The following PSD3 variants were observed in gnomAD, a reference collection of about 807,000 sequenced individuals.
PSD3 encodes the protein PH and SEC7 domain-containing protein 3.
PSD3 carries 49 observed loss-of-function variants against 105.5 expected under a neutral mutation model. That is an observed-to-expected ratio of 0.46 (90% CI 0.37 to 0.59). PSD3 has a LOEUF of 0.59. PSD3 is among the 20% of genes least tolerant of loss of function. The pLI is 0.00. For synonymous variants in PSD3, 557 were observed against 457.8 expected, an observed-to-expected ratio of 1.22 and a Z score of -2.77; for missense variants, 1,561 against 1,263.8, an observed-to-expected ratio of 1.24 and a Z score of -3.57.
At chr8:18,647,603 C>A (rs1808139059) in intron 10 of PSD3, among the ~76,000 whole-genome samples, 1 of 133,082 alleles carries the variant, frequency 7.5e-6, no homozygotes, top group Admixed American at 7.4e-5. Context: ...TTATTTAAAA[C>A]TGTTTTTTTT....
chr8:18,946,358 C>G (rs1011375664), intron 1 of PSD3, among the ~76,000 whole-genome samples: 1 of 151,990 alleles, frequency 6.6e-6, no homozygotes. Context: ...AGAGGATTGC[C>G]TGAGGCCAGG....
intron 8 of PSD3, among the ~76,000 whole-genome samples, chr8:18,775,184 C>T (rs192540812): frequency 6.6e-6 from 1 of 152,220 alleles, no homozygotes; most frequent in East Asian, 1.9e-4. Context: ...CTACCAATAA[C>T]ATAATTTCAT....
intron 2 of PSD3, among the ~76,000 whole-genome samples, chr8:18,876,574 T>C (rs895265147): frequency 6.6e-6 from 1 of 151,948 alleles, no homozygotes; most frequent in African/African-American, 2.4e-5. Context: ...TCTTTTTTTT[T>C]CTTTTGGCAG....
chr8:18,894,592 G>GA (rs200857421), intron 2 of PSD3, among the ~76,000 whole-genome samples: 7,154 of 152,214 alleles, frequency 0.047, 206 homozygotes, highest in South Asian at 0.082. Flanking sequence ...CTTGAACTGG[G>GA]TAACAGAACA....
intron 9 of PSD3, among the ~76,000 whole-genome samples, chr8:18,671,495 A>T (rs1039726645): frequency 6.6e-6 from 1 of 152,210 alleles, no homozygotes; most frequent in African/African-American, 2.4e-5. Context: ...GATCTGAGTG[A>T]ATCACTTTCT....
At chr8:18,864,046 A>G (rs1364007962) in intron 4 of PSD3, among the ~76,000 whole-genome samples, 5 of 152,282 alleles carry the variant, frequency 3.3e-5, no homozygotes, top group Admixed American at 6.5e-5. Flanking sequence ...CGCCACTGAA[A>G]TAATCTTTAA....
At chr8:18,634,421 T>A (rs1452755310) in intron 10 of PSD3, among the ~76,000 whole-genome samples, 1 of 152,132 alleles carries the variant, frequency 6.6e-6, no homozygotes, top group Non-Finnish European at 1.5e-5. Context: ...ATTAACATCT[T>A]ATATATTAAT....
chr8:19,032,416 G>A (rs1054186303), intron 1 of PSD3, among the ~76,000 whole-genome samples: 21 of 152,106 alleles, frequency 1.4e-4, no homozygotes, highest in African/African-American at 5.1e-4. Context: ...GCCAAGGTGG[G>A]AGGATTGCTT....
At chr8:18,738,353 T>C (rs555555442) in intron 9 of PSD3, among the ~76,000 whole-genome samples, 1 of 152,136 alleles carries the variant, frequency 6.6e-6, no homozygotes, top group Non-Finnish European at 1.5e-5. Flanking sequence ...TTCTCATTTA[T>C]AAAATGGGAA....
At chr8:18,648,130 TA>T (rs35170574) in intron 10 of PSD3, among the ~76,000 whole-genome samples, 56,056 of 150,648 alleles carry the variant, frequency 0.37, 10,689 homozygotes, top group South Asian at 0.51. Context: ...GGAATTGCTA[TA>T]AAAAATACCT....
rs76054573 is a variant in PSD3, at chr8:18,866,779, C to CT, written c.1634+894dup. ...TGAAAACCTGTAATATTAATACTGG[C>CT]TTTTTTTTTTTTTAACAAAAAACAC... On this transcript the variant is annotated intron_variant, in intron 4 of 15. Transcript: ENST00000327040. Among the ~76,000 whole-genome samples the CT allele has an allele frequency of 7.8e-3, 1,107 of 142,570 alleles. 3 individuals carry two copies. Among genetic ancestry groups the CT allele is most frequent in the African/African-American group, 0.014 (533 of 39,134 alleles). The allele number at this position is 142,570 out of a possible 152,430, so 93.5% of individuals were successfully genotyped here.
At chr8:18,549,557 G>T (rs1585218599) in intron 15 of PSD3, among the ~76,000 whole-genome samples, 1 of 152,224 alleles carries the variant, frequency 6.6e-6, no homozygotes, top group South Asian at 2.1e-4. Context: ...TTCTCCACTG[G>T]ACTCATGGAT....
In PSD3 at chr8:18,799,541, G is replaced by T. The variant is rs201026140; in HGVS notation, c.2024-188C>A. ...GAAAGAACCTCAATGCACAGAACTG[G>T]ACTCCACTGTTGATAAGTTGTTCTT... On this transcript the variant is annotated intron_variant, in intron 7 of 15. Coordinates refer to ENST00000327040, the MANE Select transcript of PSD3 (RefSeq NM_015310.4). 7.9e-5 allele frequency among the ~76,000 whole-genome samples: 12 copies of T among 152,258 alleles called. No individual in the cohort carries two copies. The East Asian group carries it at 1.9e-3, about 24-fold the overall frequency.
At chr8:18,616,349 G>A (rs894555795) in intron 11 of PSD3, among the ~76,000 whole-genome samples, 1 of 152,214 alleles carries the variant, frequency 6.6e-6, no homozygotes, top group South Asian at 2.1e-4. Flanking sequence ...CAGAGGCCCT[G>A]CAAACAGAAG....
At chr8:18,600,167 C>T (rs966474126) in intron 12 of PSD3, among the ~76,000 whole-genome samples, 197 bp downstream of exon 12, 2 of 152,178 alleles carry the variant, frequency 1.3e-5, no homozygotes, top group East Asian at 1.9e-4. Context: ...GATTTCATTA[C>T]GCTACTGAGA....
At chr8:19,070,868 T>C (rs1586692052) in intron 1 of PSD3, among the ~76,000 whole-genome samples, 1 of 152,140 alleles carries the variant, frequency 6.6e-6, no homozygotes, top group African/African-American at 2.4e-5. Context: ...TCAATCTAGG[T>C]GTATTCATCC....
At chr8:18,670,989 T>C (rs2130911872) in intron 9 of PSD3, among the ~76,000 whole-genome samples, 1 of 152,346 alleles carries the variant, frequency 6.6e-6, no homozygotes, top group Non-Finnish European at 1.5e-5. Context: ...TCCTTGCAGA[T>C]GAGATCAAGT....
At chr8:18,727,698 G>T (rs1447002824) in intron 9 of PSD3, among the ~76,000 whole-genome samples, 1 of 151,858 alleles carries the variant, frequency 6.6e-6, no homozygotes, top group African/African-American at 2.4e-5. Context: ...TGTCTAAGCT[G>T]GACTTTTTAC....
At chr8:19,027,101 C>T (rs777393052) in intron 1 of PSD3, among the ~76,000 whole-genome samples, 36 of 151,980 alleles carry the variant, frequency 2.4e-4, no homozygotes, top group Non-Finnish European at 4.1e-4. Flanking sequence ...CATTATGAAC[C>T]CTTACATTGG....
Sources: allele counts gnomAD v4.1 joint callset (sites outside exome capture counted in the v4.1 genomes callset), GRCh38; gene constraint gnomAD v4.1.1; transcripts MANE v1.5; gene names NCBI Gene and HGNC (gene_info 2026-07-23, HGNC 2026-07-21).